The following LRRD1 variants were observed in gnomAD, a reference collection of about 807,000 sequenced individuals.
LRRD1 encodes leucine rich repeats and death domain containing 1.
LRRD1 carries 49 observed loss-of-function variants against 69.5 expected under a neutral mutation model. That is an observed-to-expected ratio of 0.70 (90% CI 0.56 to 0.89). The LOEUF is 0.89. Among genes scored for constraint, LRRD1 ranks in the 40% least tolerant of loss-of-function variants. The pLI, the probability that LRRD1 is intolerant of heterozygous loss-of-function variation, is 0.00. For synonymous variants in LRRD1, 303 were observed against 338.9 expected, an observed-to-expected ratio of 0.89 and a Z score of 1.16; for missense variants, 853 against 956.0, an observed-to-expected ratio of 0.89 and a Z score of 1.42.
At position 92,150,657 on chromosome 7, in the gene LRRD1, T is replaced by G. The variant is rs6465353; in HGVS notation, c.2155A>C (p.Ile719Leu). The part of the protein sequence containing the change: ...LTALPSAIYN[I>L]FSLKEINFDD... ...AAATTTATCTCCTTCAGTGAAAAAA[T>G]ATTGTAGATAGCACTAGGTAGAGCT... Residue 719 changes from isoleucine to leucine, a missense_variant, in exon 4 of 6, where the codon ATT becomes CTT. Transcript: ENST00000458448. 617,325 of 1,546,512 alleles carry G rather than the reference T, an allele frequency of 0.4. 127,249 individuals are homozygous for G. Among genetic ancestry groups the G allele is most frequent in the African/African-American group, 0.64 (46,655 of 72,904 alleles).
intron 3 of LRRD1, among the ~76,000 whole-genome samples, chr7:92,158,285 G>A (rs767402876): frequency 6.6e-6 from 1 of 152,102 alleles, no homozygotes; most frequent in Non-Finnish European, 1.5e-5. Context: ...AGCCTAGAGA[G>A]GTCAAGGCTG....
chr7:92,169,505 G>A (rs1789001877), intron 1 of LRRD1, among the ~76,000 whole-genome samples: 1 of 151,846 alleles, frequency 6.6e-6, no homozygotes, highest in Non-Finnish European at 1.5e-5. Context: ...ACAAAAATTA[G>A]CCGGGCGTGG....
chr7:92,146,304 A>G, intron 4 of LRRD1, 104 bp from the exon 5 acceptor site: 3 of 620,258 alleles, frequency 4.8e-6, no homozygotes, highest in Non-Finnish European at 8.0e-6. Flanking sequence ...TATGAAATAT[A>G]TATGTTAAGT....
chr7:92,155,373 A>G (rs796742071), intron 3 of LRRD1, among the ~76,000 whole-genome samples: 1 of 152,170 alleles, frequency 6.6e-6, no homozygotes, highest in South Asian at 2.1e-4. Flanking sequence ...TGCTCAGAAA[A>G]GTGCACAATT....
intron 2 of LRRD1, among the ~76,000 whole-genome samples, chr7:92,159,897 G>A (rs1251548778): frequency 8.6e-5 from 13 of 152,028 alleles, no homozygotes; most frequent in Non-Finnish European, 1.6e-4. Context: ...CTGGGATTAA[G>A]GGCATGAGCT....
At chr7:92,142,136 G>A (rs375119423), downstream of LRRD1, 1 of 191,066 alleles carries the variant, frequency 5.2e-6, no homozygotes, top group Non-Finnish European at 1.1e-5. Flanking sequence ...TAGAGACAGG[G>A]TTTCACTGTG....
chr7:92,165,229 A>G lies in LRRD1; in HGVS notation c.-27T>C, dbSNP rs1052740477. The G allele has an allele frequency of 6.3e-6, 8 of 1,262,636 alleles. No individual in the cohort carries two copies. Among genetic ancestry groups the G allele is most frequent in the African/African-American group, 3.0e-5 (2 of 66,666 alleles). 78.2% of individuals were successfully genotyped at this position (1,262,636 alleles called of 1,614,324 possible). ...TTATTTGCTGATATGTTTTATGCCA[A>G]TACAAAATTGTAACTTGATTTTAAT... On this transcript the variant is annotated 5_prime_UTR_variant, in exon 2 of 6. Transcript: ENST00000458448.
chr7:92,165,208 T>C lies in LRRD1; in HGVS notation c.-6A>G. 7.0e-7 allele frequency: 1 copy of C among 1,430,752 alleles called. No individual in the cohort carries two copies. Among genetic ancestry groups the C allele is most frequent in the South Asian group, 1.5e-5 (1 of 65,282 alleles). The allele number at this position is 1,430,752 out of a possible 1,614,324, so 88.6% of individuals were successfully genotyped here. ...ATACCCTCCTTTTCAGACATCTTAT[T>C]TGCTGATATGTTTTATGCCAATACA... On this transcript the variant is annotated 5_prime_UTR_variant, in exon 2 of 6. Transcript: ENST00000458448.
intron 1 of LRRD1, among the ~76,000 whole-genome samples, chr7:92,177,929 A>C (rs1789232504): frequency 6.6e-6 from 1 of 152,228 alleles, no homozygotes; most frequent in Admixed American, 6.5e-5. Context: ...GTTAACATGC[A>C]GTGATTTGAA....
chr7:92,174,512 T>A (rs1342653182), intron 1 of LRRD1, among the ~76,000 whole-genome samples: 1,193 of 37,078 alleles, frequency 0.032, 54 homozygotes, highest in East Asian at 0.11. Flanking sequence ...TATATATATT[T>A]TTTTTTTTTT....
Position 92,178,021 on chromosome 7 carries a change from TG to T in LRRD1, c.-75+985del, listed in dbSNP as rs367893187. 1.6e-3 allele frequency among the ~76,000 whole-genome samples: 243 copies of T among 152,332 alleles called. 1 individual carries two copies. The highest frequency in any genetic ancestry group is 5.5e-3 in the African/African-American group (227 of 41,580). On this transcript the variant is annotated intron_variant, in intron 1 of 5. Transcript: ENST00000458448. ...CTGCCACCAATTATTTGTTTCCATA[TG>T]AGCATTTTAAAGGCTGATACACAAC...
intron 1 of LRRD1, among the ~76,000 whole-genome samples, chr7:92,171,492 C>G (rs56672747): frequency 0.031 from 4,715 of 152,168 alleles, 220 homozygotes; most frequent in African/African-American, 0.1. Flanking sequence ...TAGAACACTT[C>G]AACAAACCAG....
intron 3 of LRRD1, among the ~76,000 whole-genome samples, chr7:92,152,716 G>C (rs542687236): frequency 1.4e-5 from 2 of 146,696 alleles, no homozygotes; most frequent in Admixed American, 7.0e-5. Context: ...TGTTGCCCAC[G>C]CTGGAGTGCA....
rs1299156336 is a variant in LRRD1 at position 92,164,053 on chromosome 7, A to G, written c.1150T>C (p.Leu384=). ...LRILILDKNL[L]KNIPEKISCC... is the part of the protein sequence containing the mutation. ...GATATTTTCTCTGGTATATTTTTCA[A>G]TAAATTTTTATCAAGTATAAGAATC... is the stretch of plus-strand genomic sequence containing the variant. The change falls in exon 2 of 6, where the codon TTG becomes CTG. Residue 384 remains leucine (L), a synonymous_variant. Transcript: ENST00000458448. 6.5e-7 allele frequency: 1 copy of G among 1,541,092 alleles called. No homozygotes were observed. Among genetic ancestry groups the G allele is most frequent in the Non-Finnish European group, 8.7e-7 (1 of 1,143,530 alleles).
chr7:92,143,107 A>G (rs1820208311), downstream of LRRD1, among the ~76,000 whole-genome samples: 1 of 152,158 alleles, frequency 6.6e-6, no homozygotes, highest in Admixed American at 6.5e-5. Flanking sequence ...AAGGTTCTCC[A>G]CGTCCCCACT....
At chr7:92,143,037 C>T (rs902423328), downstream of LRRD1, 1 of 211,934 alleles carries the variant, frequency 4.7e-6, no homozygotes, top group African/African-American at 2.3e-5. Context: ...TACAGAGAGC[C>T]CGAGTGGTCT....
intron 4 of LRRD1, among the ~76,000 whole-genome samples, chr7:92,147,072 T>TA (rs1349972575): frequency 6.6e-6 from 1 of 151,632 alleles, no homozygotes; most frequent in Non-Finnish European, 1.5e-5. Flanking sequence ...AGCAACTTTT[T>TA]TTTTTTTTTG....
chr7:92,169,567 T>C (rs2131017568), intron 1 of LRRD1, among the ~76,000 whole-genome samples: 1 of 151,514 alleles, frequency 6.6e-6, no homozygotes, highest in African/African-American at 2.4e-5. Context: ...AGATAACTGC[T>C]TAAACCCAAG....
At chr7:92,160,296 A>G (rs1265941816) in intron 2 of LRRD1, among the ~76,000 whole-genome samples, 1 of 152,230 alleles carries the variant, frequency 6.6e-6, no homozygotes, top group Non-Finnish European at 1.5e-5. Flanking sequence ...TCTTCCAGGT[A>G]TAAAGGAAGC....
Sources: allele counts gnomAD v4.1 joint callset (sites outside exome capture counted in the v4.1 genomes callset), GRCh38; gene constraint gnomAD v4.1.1; transcripts MANE v1.5; gene names NCBI Gene and HGNC (gene_info 2026-07-23, HGNC 2026-07-21).